Variants in OSER1 observed in about 807,000 individuals in gnomAD.
OSER1 encodes oxidative stress responsive serine rich 1.
OSER1 carries 15 observed loss-of-function variants against 26.3 expected under a neutral mutation model. The observed-to-expected ratio is 0.57, with a 90% CI of 0.38 to 0.88. OSER1 has a LOEUF of 0.88. Ranked by LOEUF, OSER1 falls within the 40% of genes least tolerant of loss-of-function variation. OSER1 has a pLI of 0.00. For missense variants in OSER1, 313 were observed against 353.9 expected (o/e 0.88, Z 0.93); for synonymous variants, 127 against 128.2 (o/e 0.99, Z 0.07).
intron 2 of OSER1, among the ~76,000 whole-genome samples, chr20:44,203,841 T>C (rs2073012292): frequency 6.6e-6 from 1 of 152,088 alleles, no homozygotes; most frequent in South Asian, 2.1e-4. Context: ...AAAAAGTAAC[T>C]GGGAATAACC....
chr20:44,208,663 A>C (rs2073064605), intron 1 of OSER1, among the ~76,000 whole-genome samples: 1 of 152,134 alleles, frequency 6.6e-6, no homozygotes, highest in Non-Finnish European at 1.5e-5. Flanking sequence ...TTATTTCAAT[A>C]TTTTCAAAGC....
At chr20:44,204,837 T>C (rs1294344698) in intron 2 of OSER1, among the ~76,000 whole-genome samples, 2 of 152,136 alleles carry the variant, frequency 1.3e-5, no homozygotes, top group Non-Finnish European at 2.9e-5. Context: ...AATGGCTTAA[T>C]TTTACTTTTT....
At chr20:44,199,554 A>G (rs1374532365) in intron 3 of OSER1, among the ~76,000 whole-genome samples, 2 of 152,236 alleles carry the variant, frequency 1.3e-5, no homozygotes, top group Non-Finnish European at 2.9e-5. Flanking sequence ...TTAAGTAAAA[A>G]GGTGAAAGTT....
intron 1 of OSER1, among the ~76,000 whole-genome samples, chr20:44,207,783 A>G (rs1196418985): frequency 6.6e-6 from 1 of 152,188 alleles, no homozygotes; most frequent in Non-Finnish European, 1.5e-5. Context: ...CGCACCACTA[A>G]ATGATCTCTT....
chr20:44,200,100 G>C (rs1220094664), intron 3 of OSER1, among the ~76,000 whole-genome samples: 1 of 152,192 alleles, frequency 6.6e-6, no homozygotes, highest in African/African-American at 2.4e-5. Context: ...TTCCTGGCCA[G>C]TAGACAAGCT....
At chr20:44,210,222 C>G (rs2073086637) in intron 1 of OSER1, 1 of 152,952 alleles carries the variant, frequency 6.5e-6, no homozygotes, top group Non-Finnish European at 1.5e-5. Context: ...CCCGGGGTCT[C>G]CAGCTGTGAA....
In OSER1 at chr20:44,197,055, G is replaced by A. The variant is rs2072926061; in HGVS notation, c.876C>T (p.Thr292=). 1.2e-6 allele frequency: 2 copies of A among 1,600,384 alleles called. No homozygotes were observed. The highest frequency in any genetic ancestry group is 1.3e-5 in the African/African-American group (1 of 74,700). Residue 292 remains threonine (T), a synonymous_variant, in exon 4 of 4, where the codon ACC becomes ACT. Transcript: ENST00000255174. The part of the protein sequence containing the change: ...KMSHMAEMMY[T] The stretch of plus-strand genomic sequence containing the variant: ...CATATGAATTAGCTTCTTGCTATCA[G>A]GTGTACATCATTTCTGCCATGTGGG...
intron 3 of OSER1, among the ~76,000 whole-genome samples, chr20:44,199,789 G>A (rs1410509598): frequency 2.6e-5 from 4 of 152,192 alleles, no homozygotes; most frequent in Non-Finnish European, 5.9e-5. Flanking sequence ...GAACAAAAAC[G>A]TGCTCTGACT....
chr20:44,203,111 T>G (rs999429435), intron 2 of OSER1, 37 bp from the exon 3 acceptor site: 3 of 1,101,124 alleles, frequency 2.7e-6, no homozygotes, highest in Non-Finnish European at 4.2e-6. Context: ...TACAAAAAAC[T>G]GTAAAATGAG....
chr20:44,197,442 C>T lies in OSER1; in HGVS notation c.489G>A (p.Lys163=), dbSNP rs1022081846. Residue 163 remains lysine, a synonymous_variant, in exon 4 of 4, where the codon AAG becomes AAA. Transcript: ENST00000255174. Reference sequence around the variant, plus strand: ...CTTGGGTAGCGTCAGAGGAGTCTTCCTTCTTACTCTCTGATGGGAGCCTTG... The same window carrying T: ...CTTGGGTAGCGTCAGAGGAGTCTTCTTTCTTACTCTCTGATGGGAGCCTTG... ...SVPRLPSESK[K]EDSSDATQVP... is the part of the protein sequence containing the mutation. 3 of 1,614,158 alleles carry T rather than the reference C, an allele frequency of 1.9e-6. No individual in the cohort carries two copies. The highest frequency in any genetic ancestry group is 1.1e-5 in the South Asian group (1 of 91,082).
chr20:44,209,533 T>C (rs1043954050), intron 1 of OSER1, among the ~76,000 whole-genome samples: 1 of 152,246 alleles, frequency 6.6e-6, no homozygotes, highest in African/African-American at 2.4e-5. Context: ...GGAGACAGTC[T>C]TGGCGTTTTC....
chr20:44,201,254 G>A (rs1160502411), intron 3 of OSER1, among the ~76,000 whole-genome samples: 2 of 152,324 alleles, frequency 1.3e-5, no homozygotes, highest in East Asian at 3.9e-4. Context: ...TAGGTTGTAT[G>A]CAAACACTAT....
At chr20:44,204,368 A>C (rs1018430173) in intron 2 of OSER1, among the ~76,000 whole-genome samples, 1 of 152,220 alleles carries the variant, frequency 6.6e-6, no homozygotes, top group Admixed American at 6.5e-5. Flanking sequence ...CTACTACACA[A>C]GTCTTATTCT....
At chr20:44,208,248 G>A (rs1396046201) in intron 1 of OSER1, among the ~76,000 whole-genome samples, 1 of 151,466 alleles carries the variant, frequency 6.6e-6, no homozygotes, top group Non-Finnish European at 1.5e-5. Context: ...ATATTCCAAA[G>A]GTCAAGGTGT....
intron 3 of OSER1, among the ~76,000 whole-genome samples, chr20:44,202,005 T>TAGGGAAAA (rs2072987090): frequency 6.6e-6 from 1 of 152,048 alleles, no homozygotes; most frequent in South Asian, 2.1e-4. Flanking sequence ...TCACATTGAA[T>TAGGGAAAA]AAAACAGAAA....
rs548700339 is a variant in OSER1 at position 44,200,879 on chromosome 20, C to A, written c.191+2082G>T. On this transcript the variant is annotated intron_variant, in intron 3 of 3. Transcript: ENST00000255174. ...TGGATTGAAGGTATGCTTTTCAATA[C>A]CAATGTAACGAAACCAGAAGACAAT... 5.3e-5 allele frequency among the ~76,000 whole-genome samples: 8 copies of A among 152,260 alleles called. No individual in the cohort carries two copies. In the East Asian group the frequency reaches 1.5e-3, roughly 29 times the overall value.
Position 44,203,046 on chromosome 20 carries a change from C to G in OSER1, c.106G>C (p.Gly36Arg). The G allele has an allele frequency of 6.2e-7, 1 of 1,611,316 alleles. No homozygotes were observed. Among genetic ancestry groups the G allele is most frequent in the Non-Finnish European group, 8.5e-7 (1 of 1,177,538 alleles). The change falls in exon 3 of 4, where the codon GGC becomes CGC. Residue 36 changes from glycine to arginine, a missense_variant. Transcript: ENST00000255174. ...GSVASLSVGE[G>R]TGVRAPVRTA... The stretch of plus-strand genomic sequence containing the variant: ...CTGACTGGTGCTCTGACACCTGTGC[C>G]TTCTCCAACAGACAGAGATGCTACA...
Position 44,197,542 on chromosome 20 carries a change from C to T in OSER1, c.389G>A (p.Ser130Asn), listed in dbSNP as rs771879436. ...GAGAGAAGTAGAGCTTTCTCCTGCA[C>T]TGAACTCTTTAGGGGATGAAATTCC... ...GLGISSPKEFSAGESSTSLDA... is the reference protein window; with the variant it reads ...GLGISSPKEFNAGESSTSLDA... Residue 130 changes from serine to asparagine, a missense_variant, in exon 4 of 4, where the codon AGT (serine) becomes AAT (asparagine). Transcript: ENST00000255174. 6 of 1,614,066 alleles carry T rather than the reference C, an allele frequency of 3.7e-6. No homozygotes were observed. Among genetic ancestry groups the T allele is most frequent in the South Asian group, 3.3e-5 (3 of 91,084 alleles).
Position 44,197,468 on chromosome 20 carries a change from G to C in OSER1, c.463C>G (p.Pro155Ala), listed in dbSNP as rs769321459. The C allele has an allele frequency of 3.1e-6, 5 of 1,614,050 alleles. No homozygotes were observed. In the East Asian group the frequency reaches 6.7e-5, roughly 22 times the overall value. ...TTCTTACTCTCTGATGGGAGCCTTG[G>C]AACAGAAGTTCTCAAAGGCTCAACG... is the stretch of plus-strand genomic sequence containing the variant. ...AVVEPLRTSV[P>A]RLPSESKKED... The change falls in exon 4 of 4, where the codon CCA becomes GCA. Residue 155 changes from proline to alanine, a missense_variant. Transcript: ENST00000255174.
Sources: gnomAD v4.1 joint callset for allele counts (sites outside exome capture counted in the v4.1 genomes callset) on GRCh38, gnomAD v4.1.1 for gene constraint, MANE v1.5 for transcripts, NCBI Gene and HGNC (gene_info 2026-07-23, HGNC 2026-07-21) for gene names.